Variants in RBFOX1 observed in about 807,000 individuals in gnomAD.
RBFOX1 encodes RNA binding fox-1 homolog 1, also known as RNA binding protein fox-1 homolog 1.
RBFOX1 carries 8 observed loss-of-function variants against 57.7 expected under a neutral mutation model. The observed-to-expected ratio is 0.14, with a 90% CI of 0.08 to 0.25. The LOEUF is 0.25. RBFOX1 is among the 10% of genes least tolerant of loss of function. RBFOX1 has a pLI of 1.00. For missense variants in RBFOX1, 611 were observed against 548.5 expected, an observed-to-expected ratio of 1.11 and a Z score of -1.14; for synonymous variants, 326 against 222.4, an observed-to-expected ratio of 1.47 and a Z score of -4.15.
chr16:5,919,764 A>G (rs1467493402), intron 4 of RBFOX1, among the ~76,000 whole-genome samples: 2 of 152,140 alleles, frequency 1.3e-5, no homozygotes, highest in Non-Finnish European at 2.9e-5. Context: ...ACCCGTTAGG[A>G]GTGACTCTGC....
At chr16:6,013,615 C>A (rs1048865259) in intron 4 of RBFOX1, among the ~76,000 whole-genome samples, 4 of 152,194 alleles carry the variant, frequency 2.6e-5, no homozygotes, top group Non-Finnish European at 5.9e-5. Context: ...CCACTCTAAC[C>A]ACTAGCCAGC....
At chr16:6,139,593 GAA>G (rs2096697746) in intron 1 of RBFOX1, among the ~76,000 whole-genome samples, 1 of 152,306 alleles carries the variant, frequency 6.6e-6, no homozygotes, top group African/African-American at 2.4e-5. Context: ...TGAAGAAATG[GAA>G]AAGTTATCCC....
intron 4 of RBFOX1, among the ~76,000 whole-genome samples, chr16:7,424,765 C>G (rs970128969): frequency 3.9e-5 from 6 of 152,126 alleles, no homozygotes; most frequent in African/African-American, 1.4e-4. Context: ...AGCAAGCAAA[C>G]AAACAAACAA....
At chr16:5,385,580 A>T (rs907136371) in intron 1 of RBFOX1, among the ~76,000 whole-genome samples, 3 of 152,198 alleles carry the variant, frequency 2.0e-5, no homozygotes, top group Non-Finnish European at 2.9e-5. Context: ...TCAGCCGCCT[A>T]ATGGGCTGTC....
At chr16:5,800,079 C>T (rs2055009910) in intron 3 of RBFOX1, among the ~76,000 whole-genome samples, 1 of 151,694 alleles carries the variant, frequency 6.6e-6, no homozygotes, top group Admixed American at 6.6e-5. Context: ...ATATACATGT[C>T]CTACTTATAG....
chr16:5,347,918 A>G (rs890003614), intron 1 of RBFOX1, among the ~76,000 whole-genome samples: 2 of 21,556 alleles, frequency 9.3e-5, no homozygotes, highest in East Asian at 1.4e-3. Context: ...CCTCCCCCCC[A>G]TCAACCCATC....
chr16:5,475,953 C>G (rs933304084), intron 2 of RBFOX1, among the ~76,000 whole-genome samples: 2 of 152,158 alleles, frequency 1.3e-5, no homozygotes, highest in Non-Finnish European at 2.9e-5. Flanking sequence ...AGCTCTTAAC[C>G]ATGACTGTCT....
At chr16:6,129,618 C>T (rs537565549) in intron 1 of RBFOX1, among the ~76,000 whole-genome samples, 90 of 149,416 alleles carry the variant, frequency 6.0e-4, no homozygotes, top group Middle Eastern at 3.6e-3. Context: ...TTGAAGTAAG[C>T]GGTGAAAATT....
intron 3 of RBFOX1, among the ~76,000 whole-genome samples, chr16:6,945,036 G>C (rs936365203): frequency 7.2e-5 from 11 of 152,084 alleles, no homozygotes; most frequent in African/African-American, 2.2e-4. Context: ...TTAACATTCT[G>C]AATCCCGTGT....
chr16:7,205,549 C>T (rs939448122), intron 4 of RBFOX1, among the ~76,000 whole-genome samples: 1 of 151,188 alleles, frequency 6.6e-6, no homozygotes, highest in East Asian at 1.9e-4. Flanking sequence ...AAAAAGAAAA[C>T]TTACGGAAAT....
In RBFOX1 at chr16:7,119,827, C is replaced by T. The variant is rs111638210; in HGVS notation, c.27+67729C>T. ...GAAAATTAACGAGGCTGTAGAAGTA[C>T]TGAACAACACCATCAGCCAACAAAA... On this transcript the variant is annotated intron_variant, in intron 4 of 15. Coordinates refer to ENST00000550418, the MANE Select transcript of RBFOX1 (RefSeq NM_018723.4). 6.8e-3 allele frequency among the ~76,000 whole-genome samples: 1,039 copies of T among 152,202 alleles called. 4 individuals are homozygous for T. The highest frequency in any genetic ancestry group is 0.024 in the African/African-American group (988 of 41,532).
chr16:5,758,289 A>T (rs930482812), intron 3 of RBFOX1, among the ~76,000 whole-genome samples: 4 of 152,196 alleles, frequency 2.6e-5, no homozygotes, highest in Admixed American at 1.3e-4. Flanking sequence ...TTTATCCTTG[A>T]AATAATGTTG....
At chr16:7,384,836 T>G (rs1254277004) in intron 4 of RBFOX1, among the ~76,000 whole-genome samples, 1 of 152,202 alleles carries the variant, frequency 6.6e-6, no homozygotes, top group Non-Finnish European at 1.5e-5. Context: ...GGCATAGAGC[T>G]TATATTCTAG....
At chr16:5,392,495 G>A (rs1343278457) in intron 1 of RBFOX1, among the ~76,000 whole-genome samples, 1 of 151,494 alleles carries the variant, frequency 6.6e-6, no homozygotes, top group Admixed American at 6.6e-5. Flanking sequence ...TACCCAATGT[G>A]GGATGGAGTA....
At chr16:6,210,865 C>T (rs1268436367) in intron 1 of RBFOX1, among the ~76,000 whole-genome samples, 1 of 152,114 alleles carries the variant, frequency 6.6e-6, no homozygotes, top group East Asian at 1.9e-4. Flanking sequence ...GGTGCAATAG[C>T]CCTAGAGGTG....
intron 3 of RBFOX1, among the ~76,000 whole-genome samples, chr16:5,767,689 C>G (rs1379101350): frequency 6.6e-6 from 1 of 152,100 alleles, no homozygotes; most frequent in Admixed American, 6.5e-5. Context: ...CCAATGGACT[C>G]CTGAAAAGGC....
chr16:7,450,219 C>A (rs968639413), intron 4 of RBFOX1, among the ~76,000 whole-genome samples: 1 of 151,816 alleles, frequency 6.6e-6, no homozygotes, highest in Non-Finnish European at 1.5e-5. Flanking sequence ...TGTGGTGAAA[C>A]CCCATCTGTA....
intron 3 of RBFOX1, among the ~76,000 whole-genome samples, chr16:5,840,370 C>T (rs1000836909): frequency 2.0e-5 from 3 of 152,150 alleles, no homozygotes; most frequent in African/African-American, 4.8e-5. Flanking sequence ...GAGGCCACCC[C>T]CTGTCCCCAG....
rs539062581 is a variant in RBFOX1 at position 6,219,467 on chromosome 16, CT to C, written c.-126-97527del. Among the ~76,000 whole-genome samples, 256 of 152,298 alleles carry C rather than the reference CT, an allele frequency of 1.7e-3. 2 individuals carry two copies. Among genetic ancestry groups the C allele is most frequent in the African/African-American group, 5.7e-3 (238 of 41,566 alleles). ...GGAGGGAAAAAAGTAGAAAATATGT[CT>C]CGGTCAAGTCTGAGCTTCATTTTCT... On this transcript the variant is annotated intron_variant, in intron 1 of 15. Coordinates refer to ENST00000550418, the MANE Select transcript of RBFOX1 (RefSeq NM_018723.4).
Sources: allele counts gnomAD v4.1 joint callset (sites outside exome capture counted in the v4.1 genomes callset), GRCh38; gene constraint gnomAD v4.1.1; transcripts MANE v1.5; gene names NCBI Gene and HGNC (gene_info 2026-07-23, HGNC 2026-07-21).